The following EIF2AK4 variants were observed in gnomAD, a reference collection of about 807,000 sequenced individuals.
EIF2AK4 encodes eIF-2-alpha kinase GCN2.
Under a neutral mutation model 211.1 loss-of-function variants are expected in EIF2AK4, and 139 were observed. The observed-to-expected ratio is 0.66, with a 90% CI of 0.57 to 0.76. The LOEUF is 0.76. Ranked by LOEUF, EIF2AK4 falls within the 30% of genes least tolerant of loss-of-function variation. The pLI is 0.00. For missense variants in EIF2AK4, 1,664 were observed against 2,043.8 expected (o/e 0.81, Z 3.58); for synonymous variants, 710 against 751.3 (o/e 0.94, Z 0.90).
At chr15:40,032,600 A>G (rs1258009275) in intron 36 of EIF2AK4, among the ~76,000 whole-genome samples, 157 bp from the exon 37 acceptor site, 1 of 152,228 alleles carries the variant, frequency 6.6e-6, no homozygotes, top group Non-Finnish European at 1.5e-5. Context: ...TCCAGGGCTA[A>G]GATCTTATCA....
chr15:39,944,713 G>A (rs2034202730), intron 3 of EIF2AK4, among the ~76,000 whole-genome samples: 1 of 152,092 alleles, frequency 6.6e-6, no homozygotes, highest in South Asian at 2.1e-4. Context: ...GATTACAGGC[G>A]TGAGCCACCG....
At chr15:39,960,568 G>A (rs1308867726) in intron 6 of EIF2AK4, among the ~76,000 whole-genome samples, 2 of 152,114 alleles carry the variant, frequency 1.3e-5, no homozygotes, top group Non-Finnish European at 2.9e-5. Context: ...GGGATAAATA[G>A]TGCAGAAGTG....
intron 1 of EIF2AK4, among the ~76,000 whole-genome samples, chr15:39,938,571 C>A (rs75273243): frequency 2.6e-4 from 39 of 152,190 alleles, no homozygotes; most frequent in East Asian, 1.9e-3. Context: ...TCTTTTTGCC[C>A]TGCCTGCCAG....
At chr15:39,978,450 A>C (rs1424797087) in intron 13 of EIF2AK4, among the ~76,000 whole-genome samples, 1 of 152,212 alleles carries the variant, frequency 6.6e-6, no homozygotes, top group Non-Finnish European at 1.5e-5. Flanking sequence ...GTTGGGGATA[A>C]GAATTGAATG....
intron 10 of EIF2AK4, among the ~76,000 whole-genome samples, chr15:39,973,322 G>A (rs1427937294): frequency 1.3e-5 from 2 of 152,162 alleles, no homozygotes; most frequent in African/African-American, 4.8e-5. Flanking sequence ...GATTGGGATG[G>A]ATCATGAGAC....
At chr15:39,971,144 GGA>G (rs1191840121) in intron 9 of EIF2AK4, among the ~76,000 whole-genome samples, 2 of 152,176 alleles carry the variant, frequency 1.3e-5, no homozygotes, top group Non-Finnish European at 2.9e-5. Context: ...CAGCATTGCA[GGA>G]GGCCTAGGTG....
chr15:39,996,260 C>G (rs1197028572), intron 18 of EIF2AK4, among the ~76,000 whole-genome samples: 1 of 152,202 alleles, frequency 6.6e-6, no homozygotes, highest in Non-Finnish European at 1.5e-5. Flanking sequence ...AGATTTTGGT[C>G]TGTGTTTCAC....
chr15:40,015,536 C>A (rs539296228), intron 27 of EIF2AK4, among the ~76,000 whole-genome samples: 1 of 152,176 alleles, frequency 6.6e-6, no homozygotes, highest in Admixed American at 6.5e-5. Flanking sequence ...GATTCAGTTA[C>A]CTCCCACTGG....
intron 1 of EIF2AK4, among the ~76,000 whole-genome samples, chr15:39,934,766 A>G (rs1006176987): frequency 1.3e-5 from 2 of 152,218 alleles, no homozygotes; most frequent in East Asian, 1.9e-4. Flanking sequence ...TACGTCCTCA[A>G]TCAGAATTCT....
chr15:39,971,370 A>G (rs1204662332), intron 9 of EIF2AK4, among the ~76,000 whole-genome samples: 1 of 152,108 alleles, frequency 6.6e-6, no homozygotes, highest in East Asian at 1.9e-4. Flanking sequence ...CTAAAAAGAC[A>G]AAAATTAGCC....
chr15:39,990,085 C>G (rs1595413008), intron 15 of EIF2AK4, among the ~76,000 whole-genome samples, 188 bp from the exon 16 acceptor site: 1 of 152,136 alleles, frequency 6.6e-6, no homozygotes, highest in East Asian at 1.9e-4. Context: ...CCAGGTAGAA[C>G]TAGGAAACAG....
chr15:39,958,500 T>C (rs1010294339), intron 6 of EIF2AK4, among the ~76,000 whole-genome samples: 8 of 152,124 alleles, frequency 5.3e-5, no homozygotes, highest in East Asian at 1.9e-4. Context: ...CTCAAAAAAC[T>C]TGGGGAACCA....
Position 39,967,891 on chromosome 15 carries a change from T to G in EIF2AK4, c.1553+12T>G. 6.2e-7 allele frequency: 1 copy of G among 1,612,348 alleles called. No homozygotes were observed. Among genetic ancestry groups the G allele is most frequent in the Non-Finnish European group, 8.5e-7 (1 of 1,178,690 alleles). ...GATTTTCTAAAGAAGTGAGTATCAC[T>G]GAGATTCTCTCTAATAGCACTTTAC... On this transcript the variant is annotated intron_variant, in intron 9 of 38. Transcript: ENST00000263791.
At chr15:40,028,912 G>A (rs776620218) in intron 33 of EIF2AK4, among the ~76,000 whole-genome samples, 3 of 152,200 alleles carry the variant, frequency 2.0e-5, no homozygotes, top group Non-Finnish European at 4.4e-5. Flanking sequence ...AAGATAGAGT[G>A]CTGTTGTCTC....
Position 40,012,440 on chromosome 15 carries a change from A to G in EIF2AK4, c.3759+1094A>G, listed in dbSNP as rs187044882. 3.3e-5 allele frequency among the ~76,000 whole-genome samples: 5 copies of G among 152,356 alleles called. No homozygotes were observed. The East Asian group carries it at 7.7e-4, about 23-fold the overall frequency. ...AATATTTAATATTGGGGGAGATAGT[A>G]ATGATATGCAAAGTAACACAACAGC... On this transcript the variant is annotated intron_variant, in intron 27 of 38. Transcript: ENST00000263791.
chr15:39,963,079 A>G (rs906178896), intron 7 of EIF2AK4, among the ~76,000 whole-genome samples: 9 of 152,236 alleles, frequency 5.9e-5, no homozygotes, highest in Non-Finnish European at 1.2e-4. Context: ...TGGAGGGAGA[A>G]GAAACCAAAC....
At chr15:40,016,435 C>T (rs1236251759) in intron 27 of EIF2AK4, 67 bp from the exon 28 acceptor site, 14 of 1,577,898 alleles carry the variant, frequency 8.9e-6, no homozygotes, top group Non-Finnish European at 1.2e-5. Context: ...CAGGTGCACA[C>T]AGTCGGTGCA....
chr15:40,032,342 T>C, intron 36 of EIF2AK4, 105 bp downstream of exon 36: 2 of 923,430 alleles, frequency 2.2e-6, no homozygotes, highest in Non-Finnish European at 3.5e-6. Flanking sequence ...AGAATTTGGA[T>C]GCAGGCCTTA....
At chr15:39,998,563 A>C (rs990834057) in intron 19 of EIF2AK4, among the ~76,000 whole-genome samples, 168 bp from the exon 20 acceptor site, 1 of 152,192 alleles carries the variant, frequency 6.6e-6, no homozygotes, top group Non-Finnish European at 1.5e-5. Context: ...ATATTAAAAT[A>C]ATATGTATGT....
Sources: gnomAD v4.1 joint callset for allele counts (sites outside exome capture counted in the v4.1 genomes callset) on GRCh38, gnomAD v4.1.1 for gene constraint, MANE v1.5 for transcripts, NCBI Gene and HGNC (gene_info 2026-07-23, HGNC 2026-07-21) for gene names.